Variants in PTPN14 observed in about 807,000 individuals in gnomAD.
PTPN14 encodes the protein protein tyrosine phosphatase non-receptor type 14.
PTPN14 carries 53 observed loss-of-function variants against 126.8 expected under a neutral mutation model. That is an observed-to-expected ratio of 0.42 (90% CI 0.34 to 0.53). PTPN14 has a LOEUF of 0.53. PTPN14 is among the 20% of genes least tolerant of loss of function. The pLI is 0.08. For missense variants in PTPN14, 1,257 were observed against 1,552.9 expected, an observed-to-expected ratio of 0.81 and a Z score of 3.20; for synonymous variants, 630 against 599.3, an observed-to-expected ratio of 1.05 and a Z score of -0.75.
At position 214,399,176 on chromosome 1, in the gene PTPN14, A is replaced by G. The variant is rs567317093; in HGVS notation, c.670-1175T>C. The stretch of plus-strand genomic sequence containing the variant: ...CAATATACACGTTATTTCAAAACCC[A>G]CAGGCATCACATCCCATTTCTCACC... On this transcript the variant is annotated intron_variant, in intron 7 of 18. Transcript: ENST00000366956. Among the ~76,000 whole-genome samples the G allele has an allele frequency of 3.3e-5, 5 of 152,350 alleles. No homozygotes were observed. In the South Asian group the frequency reaches 1.0e-3, roughly 32 times the overall value.
chr1:214,373,025 A>G (rs1284276998), intron 15 of PTPN14, among the ~76,000 whole-genome samples, 186 bp from the exon 16 acceptor site: 2 of 152,200 alleles, frequency 1.3e-5, no homozygotes, highest in East Asian at 1.9e-4. Flanking sequence ...ACATGAAAAT[A>G]CTTTTTGCCA....
chr1:214,490,453 T>G (rs1661203594), intron 1 of PTPN14, among the ~76,000 whole-genome samples: 1 of 152,172 alleles, frequency 6.6e-6, no homozygotes, highest in African/African-American at 2.4e-5. Context: ...CAAAGCATCT[T>G]TGGCTATAAA....
At position 214,414,644 on chromosome 1, in the gene PTPN14, C is replaced by A. The variant is rs755471806; in HGVS notation, c.427G>T (p.Gly143Cys). ...CTLDQVIRLA[G>C]LAVQADFGDY... ...TATGTCTTACCTTGCACAGCTAGGC[C>A]GGCTAGCCGAATCACCTGGTCCAAT... Residue 143 changes from glycine (G) to cysteine (C), a missense_variant, in exon 4 of 19, where the codon GGC becomes TGC. By Grantham distance (159) the Gly-to-Cys change is radical. Coordinates refer to ENST00000366956, the MANE Select transcript of PTPN14 (RefSeq NM_005401.5). 21 of 1,613,696 alleles carry A rather than the reference C, an allele frequency of 1.3e-5. No homozygotes were observed. The South Asian group carries it at 2.2e-4, about 17-fold the overall frequency.
At chr1:214,501,756 T>C (rs1219989373) in intron 1 of PTPN14, among the ~76,000 whole-genome samples, 1 of 152,174 alleles carries the variant, frequency 6.6e-6, no homozygotes, top group African/African-American at 2.4e-5. Context: ...TCATGGCACA[T>C]AACTTCAAAA....
chr1:214,369,817 A>G (rs999414955), intron 16 of PTPN14, 126 bp from the exon 17 acceptor site: 7 of 787,842 alleles, frequency 8.9e-6, no homozygotes, highest in Admixed American at 7.9e-5. Flanking sequence ...AGCACTCTGC[A>G]GTGTCTACCA....
At chr1:214,520,047 C>CAAAAAAAAAAAAAA (rs1183768381) in intron 1 of PTPN14, among the ~76,000 whole-genome samples, 14 of 80,752 alleles carry the variant, frequency 1.7e-4, no homozygotes, top group African/African-American at 3.6e-4. Context: ...AACCCTGTCT[C>CAAAAAAAAAAAAAA]AAAAAAAAAA....
intron 2 of PTPN14, among the ~76,000 whole-genome samples, chr1:214,455,963 C>G (rs963787831): frequency 6.6e-6 from 1 of 152,128 alleles, no homozygotes; most frequent in Non-Finnish European, 1.5e-5. Flanking sequence ...TAAAACTGCT[C>G]TAAAGAAATA....
At position 214,541,911 on chromosome 1, in the gene PTPN14, G is replaced by C. The variant is rs78844737; in HGVS notation, c.-155+9272C>G. On this transcript the variant is annotated intron_variant, in intron 1 of 18. Transcript: ENST00000366956. ...GTGCAGAGCCTTGAGTGCTCTGCTAGAGAGTGTGTACTTTAATCATAAGCA... is the reference window on the plus strand; with the variant it reads ...GTGCAGAGCCTTGAGTGCTCTGCTACAGAGTGTGTACTTTAATCATAAGCA... Among the ~76,000 whole-genome samples the C allele has an allele frequency of 4.7e-3, 716 of 152,306 alleles. 3 individuals are homozygous for C. Among genetic ancestry groups the C allele is most frequent in the African/African-American group, 0.016 (678 of 41,556 alleles).
intron 1 of PTPN14, among the ~76,000 whole-genome samples, chr1:214,496,100 T>C (rs1343423259): frequency 6.6e-6 from 1 of 152,258 alleles, no homozygotes; most frequent in Non-Finnish European, 1.5e-5. Flanking sequence ...CCTGAGCTTA[T>C]AATTTGCTCA....
rs373146961 is a variant in PTPN14 at position 214,386,827 on chromosome 1, C to T, written c.1066+17G>A. ...AACTTTTTGTCTTAAGAAGGGAGAA[C>T]GGCAAGCCAGAGTTACCTTGCGAGG... is the stretch of plus-strand genomic sequence containing the variant. On this transcript the variant is annotated intron_variant, in intron 12 of 18. Coordinates refer to ENST00000366956, the MANE Select transcript of PTPN14 (RefSeq NM_005401.5). 2.0e-5 allele frequency: 31 copies of T among 1,564,302 alleles called. No individual in the cohort carries two copies. Among genetic ancestry groups the T allele is most frequent in the Non-Finnish European group, 2.5e-5 (28 of 1,136,562 alleles).
chr1:214,391,679 C>A (rs1658754734), intron 10 of PTPN14, among the ~76,000 whole-genome samples: 1 of 143,262 alleles, frequency 7.0e-6, no homozygotes, highest in Admixed American at 7.2e-5. Context: ...TGCTATAATA[C>A]TTTCCCTCAT....
Position 214,391,072 on chromosome 1 carries a change from A to G in PTPN14, c.930-27T>C. ...TACATGAAGAGGTGAAAAAATGAGA[A>G]TGGTTATTATTATTGATATAAAAAG... On this transcript the variant is annotated intron_variant, in intron 10 of 18. Transcript: ENST00000366956. 4 of 1,512,116 alleles carry G rather than the reference A, an allele frequency of 2.6e-6. No individual in the cohort carries two copies. The Middle Eastern group carries it at 6.9e-4, about 261-fold the overall frequency. 93.7% of individuals were successfully genotyped at this position (1,512,116 alleles called of 1,614,324 possible).
At chr1:214,495,270 C>T (rs1036278581) in intron 1 of PTPN14, among the ~76,000 whole-genome samples, 4 of 152,268 alleles carry the variant, frequency 2.6e-5, no homozygotes, top group East Asian at 1.9e-4. Flanking sequence ...CTACATGTCA[C>T]GGCGTCAGTG....
chr1:214,416,833 G>A (rs549504588), intron 3 of PTPN14, among the ~76,000 whole-genome samples: 10 of 152,060 alleles, frequency 6.6e-5, no homozygotes, highest in Non-Finnish European at 1.3e-4. Context: ...TAATTCTATC[G>A]AATATGATGA....
chr1:214,380,472 G>A (rs1038340643), intron 13 of PTPN14, among the ~76,000 whole-genome samples: 25 of 152,214 alleles, frequency 1.6e-4, no homozygotes, highest in South Asian at 4.2e-4. Context: ...TTTCTTCTCA[G>A]TGCATCAACT....
chr1:214,411,704 C>A lies in PTPN14; in HGVS notation c.490G>T (p.Glu164Ter). The A allele has an allele frequency of 6.6e-7, 1 of 1,510,762 alleles. No individual in the cohort carries two copies. The highest frequency in any genetic ancestry group is 9.1e-7 in the Non-Finnish European group (1 of 1,095,150). 93.6% of individuals were successfully genotyped at this position (1,510,762 alleles called of 1,614,324 possible). A position where few individuals can be genotyped will look rare whatever the true frequency, so the allele number is the denominator to read the frequency against. Residue 164 changes from glutamate to a stop codon, truncating the protein, a stop_gained, in exon 5 of 19, where the codon GAG (glutamate) becomes TAG (stop). Coordinates refer to ENST00000366956, the MANE Select transcript of PTPN14 (RefSeq NM_005401.5). LOFTEE classifies it high-confidence loss of function. ...CTTACCATAGGAAATAGCACATACT[C>A]TCTGAGGAAATCTTGAGAATCAAAC... ...NQFDSQDFLREYVLFPMDLAL... is the reference protein window; with the variant it reads ...NQFDSQDFLR
rs1403276871 is a variant in PTPN14 at position 214,414,718 on chromosome 1, T to C, written c.353A>G (p.Tyr118Cys). The C allele has an allele frequency of 6.2e-7, 1 of 1,612,236 alleles. No homozygotes were observed. The highest frequency in any genetic ancestry group is 8.5e-7 in the Non-Finnish European group (1 of 1,178,304). ...CACATCTTTTTTGACTTGCAGGTAA[T>C]ACTGATATCTGTTCATGGGAATAGA... is the stretch of plus-strand genomic sequence containing the variant. ...WLQQEATRYQ[Y>C]YLQVKKDVLE... The change falls in exon 4 of 19, where the codon TAT becomes TGT. Residue 118 changes from tyrosine (Y) to cysteine (C), a missense_variant. Tyr to Cys is a radical substitution (Grantham distance 194, BLOSUM62 -2). This residue lies in a region of PTPN14 where 1,021 missense variants were observed against 1,183.3 expected (regional missense o/e 0.86). Transcript: ENST00000366956.
intron 3 of PTPN14, among the ~76,000 whole-genome samples, chr1:214,426,199 T>C (rs991689240): frequency 6.6e-6 from 1 of 152,128 alleles, no homozygotes; most frequent in Non-Finnish European, 1.5e-5. Context: ...ACATCAAATG[T>C]GGCAACAACT....
At chr1:214,464,181 G>GT (rs10585995) in intron 2 of PTPN14, among the ~76,000 whole-genome samples, 1,889 of 136,374 alleles carry the variant, frequency 0.014, 48 homozygotes, top group African/African-American at 0.048. Flanking sequence ...ATTCGGTGGG[G>GT]TTTTTTTTTT....
Sources: gnomAD v4.1 joint callset for allele counts (sites outside exome capture counted in the v4.1 genomes callset) on GRCh38, gnomAD v4.1.1 for gene constraint, gnomAD v4.1.1 regional missense constraint, MANE v1.5 for transcripts, NCBI Gene and HGNC (gene_info 2026-07-23, HGNC 2026-07-21) for gene names.